IQCH: variants seen among roughly 807,000 people sequenced by gnomAD.
IQCH encodes the protein IQ motif containing H, also known as IQ domain-containing protein H.
In IQCH, 98 loss-of-function variants were observed where a neutral mutation model predicts 117.0. The ratio of observed to expected loss-of-function variants is 0.84; its 90% CI spans 0.71 to 0.99. IQCH has a LOEUF of 0.99. Among genes scored for constraint, IQCH ranks in the 50% least tolerant of loss-of-function variants. IQCH has a pLI of 0.00. For missense variants in IQCH, 1,102 were observed against 1,243.8 expected (o/e 0.89, Z 1.72); for synonymous variants, 412 against 448.2 (o/e 0.92, Z 1.02).
chr15:67,347,680 T>C (rs932876870), intron 6 of IQCH, among the ~76,000 whole-genome samples: 11 of 151,394 alleles, frequency 7.3e-5, no homozygotes, highest in Admixed American at 1.3e-4. Flanking sequence ...TTTATGAAGC[T>C]ATCATCACCC....
chr15:67,464,982 C>A, intron 16 of IQCH, 145 bp from the exon 17 acceptor site: 1 of 666,716 alleles, frequency 1.5e-6, no homozygotes, highest in Non-Finnish European at 2.6e-6. Flanking sequence ...AATGTACAAA[C>A]AGAAGGAAAA....
chr15:67,298,208 T>C (rs1966871274), intron 4 of IQCH, among the ~76,000 whole-genome samples: 1 of 151,366 alleles, frequency 6.6e-6, no homozygotes, highest in Non-Finnish European at 1.5e-5. Context: ...CTTGGGAGGC[T>C]GAGGCAGGAG....
At chr15:67,339,709 A>G (rs1969056028) in intron 5 of IQCH, among the ~76,000 whole-genome samples, 1 of 152,196 alleles carries the variant, frequency 6.6e-6, no homozygotes, top group East Asian at 1.9e-4. Flanking sequence ...TCCCCTTTTG[A>G]CGAAAACAAT....
rs2081845000 is a variant in IQCH at position 67,424,784 on chromosome 15, T to C, written c.2505+3207T>C. 6.6e-6 allele frequency among the ~76,000 whole-genome samples: 1 copy of C among 152,246 alleles called. No homozygotes were observed. Among genetic ancestry groups the C allele is most frequent in the African/African-American group, 2.4e-5 (1 of 41,464 alleles). ...TATATGATCATTTGTGTTATAGTTA[T>C]CAACAGAATATTGGAAGAAGTTCTC... On this transcript the variant is annotated intron_variant, in intron 16 of 20. Coordinates refer to ENST00000335894, the MANE Select transcript of IQCH (RefSeq NM_001031715.3). The surrounding 1 kb of genome is among the most constrained non-coding windows in gnomAD (Gnocchi z 4.9).
intron 6 of IQCH, among the ~76,000 whole-genome samples, chr15:67,350,585 C>T (rs1969613638): frequency 6.6e-6 from 1 of 152,056 alleles, no homozygotes; most frequent in Non-Finnish European, 1.5e-5. Flanking sequence ...CGCAACCACA[C>T]CCAGCCAATT....
rs764859977 is a variant in IQCH, at chr15:67,478,726, C to CCATCCTGG, written c.2799+2910_2799+2917dup. On this transcript the variant is annotated intron_variant, in intron 18 of 20. Coordinates refer to ENST00000335894, the MANE Select transcript of IQCH (RefSeq NM_001031715.3). ...AGATCACGAGGTCAGGAGATCGAGA[C>CCATCCTGG]CATCCTGGCCAACATGGTGAAACCC... is the stretch of plus-strand genomic sequence containing the variant. Among the ~76,000 whole-genome samples, 72 of 152,150 alleles carry CCATCCTGG rather than the reference C, an allele frequency of 4.7e-4. 2 individuals carry two copies. In the East Asian group the frequency reaches 5.8e-3, roughly 12 times the overall value.
chr15:67,483,621 GAT>G lies in IQCH; in HGVS notation c.2800-6381_2800-6380del, dbSNP rs113276751. 3.6e-3 allele frequency among the ~76,000 whole-genome samples: 541 copies of G among 152,340 alleles called. 9 individuals are homozygous for G. Among genetic ancestry groups the G allele is most frequent in the African/African-American group, 0.012 (514 of 41,584 alleles). ...ATGTGTTAGGAAATAAATCTAAACA[GAT>G]TTTTTTCTTGACCTCATGACCTTGA... On this transcript the variant is annotated intron_variant, in intron 18 of 20. Transcript: ENST00000335894.
intron 6 of IQCH, among the ~76,000 whole-genome samples, chr15:67,357,120 G>A (rs539013232): frequency 9.9e-5 from 15 of 152,082 alleles, no homozygotes; most frequent in African/African-American, 3.1e-4. Context: ...TGCATAAGGC[G>A]GGCTGACTTT....
intron 10 of IQCH, among the ~76,000 whole-genome samples, chr15:67,374,648 C>T (rs779936167): frequency 2.7e-4 from 41 of 152,162 alleles, no homozygotes; most frequent in Non-Finnish European, 5.6e-4. Flanking sequence ...TTTTGGTCTA[C>T]CTCATGGCTC....
rs200883833 is a variant in IQCH at position 67,416,990 on chromosome 15, G to A, written c.2157G>A (p.Gln719=). 2.0e-4 allele frequency: 319 copies of A among 1,611,988 alleles called. 5 individuals carry two copies. In the South Asian group the frequency reaches 2.1e-3, roughly 11 times the overall value. Residue 719 remains glutamine (Q), a synonymous_variant, in exon 15 of 21, where the codon CAG becomes CAA. Transcript: ENST00000335894. The surrounding 1 kb of genome is among the most constrained non-coding windows in gnomAD (Gnocchi z 5.1). ...CGGGCATTTTAGCACAGCACGCACA[G>A]CCAGTCAATGAGAAACGGTTCCCGA... is the stretch of plus-strand genomic sequence containing the variant. ...ELAGILAQHA[Q]PVNEKRFPTW... is the part of the protein sequence containing the mutation.
At position 67,381,801 on chromosome 15, in the gene IQCH, C is replaced by G. The variant is rs902062556; in HGVS notation, c.1373-3135C>G. Among the ~76,000 whole-genome samples the G allele has an allele frequency of 6.6e-6, 1 of 151,654 alleles. No individual in the cohort carries two copies. The highest frequency in any genetic ancestry group is 1.5e-5 in the Non-Finnish European group (1 of 67,908). ...TTTGAGATCAGCCTGGGCAACATGG[C>G]GAAACCCTGGCTCTACAAAAATTAC... On this transcript the variant is annotated intron_variant, in intron 10 of 20. Transcript: ENST00000335894. The surrounding 1 kb of genome is among the most constrained non-coding windows in gnomAD (Gnocchi z 5.1).
Position 67,475,918 on chromosome 15 carries a change from A to ATACC in IQCH, c.2799+101_2799+104dup. The ATACC allele has an allele frequency of 9.3e-7, 1 of 1,076,176 alleles. No individual in the cohort carries two copies. The highest frequency in any genetic ancestry group is 1.4e-6 in the Non-Finnish European group (1 of 726,604). The allele number at this position is 1,076,176 out of a possible 1,614,324, so 66.7% of individuals were successfully genotyped here. On this transcript the variant is annotated intron_variant, in intron 18 of 20. Coordinates refer to ENST00000335894, the MANE Select transcript of IQCH (RefSeq NM_001031715.3). The surrounding 1 kb of genome is among the most constrained non-coding windows in gnomAD (Gnocchi z 5.7). ...GCCCCTTCAGATAGATATTCTTTAA[A>ATACC]TACCGGTTTGACGTGTCTGTAGAGG... is the stretch of plus-strand genomic sequence containing the variant.
intron 16 of IQCH, among the ~76,000 whole-genome samples, chr15:67,442,861 T>TAGATAGAC (rs1770227860): frequency 8.0e-6 from 1 of 124,676 alleles, no homozygotes; most frequent in African/African-American, 3.1e-5. Flanking sequence ...GATAGATAGA[T>TAGATAGAC]AGATATACAT....
At chr15:67,389,255 A>G (rs1971204521) in intron 12 of IQCH, among the ~76,000 whole-genome samples, 1 of 152,170 alleles carries the variant, frequency 6.6e-6, no homozygotes, top group South Asian at 2.1e-4. Flanking sequence ...GGTACCATCA[A>G]GTAGGTGGAT....
intron 16 of IQCH, among the ~76,000 whole-genome samples, chr15:67,438,842 C>G (rs959786238): frequency 3.9e-5 from 6 of 152,136 alleles, no homozygotes; most frequent in Non-Finnish European, 8.8e-5. Context: ...GGACCTTGTC[C>G]AACAGGAAAA....
At chr15:67,283,171 A>G (rs917493330) in intron 4 of IQCH, among the ~76,000 whole-genome samples, 3 of 152,228 alleles carry the variant, frequency 2.0e-5, no homozygotes, top group Admixed American at 6.5e-5. Context: ...GTTGTGACAA[A>G]CATAATATGA....
At position 67,474,067 on chromosome 15, in the gene IQCH, A is replaced by AGTGTGT. The variant is rs36050088; in HGVS notation, c.2677-1597_2677-1592dup. On this transcript the variant is annotated intron_variant, in intron 17 of 20. Transcript: ENST00000335894. The surrounding 1 kb of genome is among the most constrained non-coding windows in gnomAD (Gnocchi z 4.1). ...GTCACCAAAAGTGCCACGAAATCTG[A>AGTGTGT]GTGTGTGTGTGTGTGTGTGTGTGTG... 0.11 allele frequency among the ~76,000 whole-genome samples: 15,282 copies of AGTGTGT among 138,162 alleles called. 1,142 individuals carry two copies. The highest frequency in any genetic ancestry group is 0.33 in the East Asian group (1,561 of 4,682). 90.6% of individuals were successfully genotyped at this position (138,162 alleles called of 152,430 possible).
At chr15:67,273,541 T>A (rs902774468) in intron 3 of IQCH, among the ~76,000 whole-genome samples, 4 of 152,220 alleles carry the variant, frequency 2.6e-5, no homozygotes, top group East Asian at 1.9e-4. Flanking sequence ...GAAAAAACTT[T>A]AAAAAAACTC....
intron 7 of IQCH, among the ~76,000 whole-genome samples, chr15:67,358,821 A>T (rs1027926887): frequency 1.3e-5 from 2 of 152,234 alleles, no homozygotes; most frequent in African/African-American, 2.4e-5. Flanking sequence ...CCAGACTTTT[A>T]TCTTTCAATA....
Sources: allele counts gnomAD v4.1 joint callset (sites outside exome capture counted in the v4.1 genomes callset), GRCh38; gene constraint gnomAD v4.1.1; non-coding constraint Gnocchi (gnomAD v3.1); transcripts MANE v1.5; gene names NCBI Gene and HGNC (gene_info 2026-07-23, HGNC 2026-07-21).